Variants in ZNF469 observed in about 807,000 individuals in gnomAD.
ZNF469 encodes zinc finger protein 469.
A neutral mutation model predicts 1.0 loss-of-function variants in ZNF469; 1 was observed. The observed-to-expected ratio is 1.00, with a 90% CI of 0.35 to 4.73. The LOEUF is 4.73. ZNF469 is among the 30% of genes most tolerant of loss of function. The pLI is 0.16. For synonymous variants in ZNF469, 2,703 were observed against 2,363.4 expected (o/e 1.14, Z -4.17); for missense variants, 6,100 against 5,356.3 (o/e 1.14, Z -4.33).
chr16:88,224,699 CTGTG>C, the ZNF469 span, among the ~76,000 whole-genome samples: 6 of 152,128 alleles, frequency 3.9e-5, no homozygotes, highest in African/African-American at 7.2e-5. Flanking sequence ...CCGTGTGTCT[CTGTG>C]TGTGTGTGTC....
chr16:88,296,504 C>G, the ZNF469 span, among the ~76,000 whole-genome samples: 1 of 149,984 alleles, frequency 6.7e-6, no homozygotes, highest in Non-Finnish European at 1.5e-5. Context: ...CACTCACAGA[C>G]AAGCTCACCC....
At chr16:88,243,911 CATATATATATATATATATATATATATAT>C in the ZNF469 span, among the ~76,000 whole-genome samples, 30 of 26,278 alleles carry the variant, frequency 1.1e-3, no homozygotes, top group South Asian at 0.019. Context: ...TGGCTGGATG[CATATATATATATATATATATATATATAT>C]ATATATATAT....
the ZNF469 span, among the ~76,000 whole-genome samples, chr16:88,155,532 C>T: frequency 2.7e-4 from 41 of 152,282 alleles, no homozygotes; most frequent in Non-Finnish European, 3.8e-4. Context: ...TTTGCCAGTT[C>T]GGGATGTTTC....
At chr16:88,381,138 TCA>T (rs745666882), upstream of ZNF469, among the ~76,000 whole-genome samples, 4 of 59,852 alleles carry the variant, frequency 6.7e-5, no homozygotes, top group Admixed American at 1.7e-4. Flanking sequence ...AGACATGCAC[TCA>T]CACACACACT....
the ZNF469 span, among the ~76,000 whole-genome samples, chr16:88,113,146 G>T: frequency 6.6e-6 from 1 of 152,200 alleles, no homozygotes; most frequent in East Asian, 1.9e-4. Context: ...GCCTGTGCGT[G>T]GGGGCATTGC....
At chr16:88,303,898 A>G in the ZNF469 span, among the ~76,000 whole-genome samples, 2 of 152,160 alleles carry the variant, frequency 1.3e-5, no homozygotes, top group Admixed American at 6.5e-5. Flanking sequence ...CCACACACTC[A>G]GTGCCACTCA....
At chr16:88,174,463 C>T in the ZNF469 span, among the ~76,000 whole-genome samples, 2 of 126,654 alleles carry the variant, frequency 1.6e-5, no homozygotes, top group African/African-American at 3.1e-5. Context: ...ATTTGTCTGT[C>T]GTCTGTCTGT....
intron 1 of ZNF469, among the ~76,000 whole-genome samples, chr16:88,388,162 A>G (rs998356073): frequency 6.6e-6 from 1 of 152,260 alleles, no homozygotes; most frequent in Non-Finnish European, 1.5e-5. Context: ...ATGAGTGAGC[A>G]GTGAGTGTGA....
the ZNF469 span, among the ~76,000 whole-genome samples, chr16:88,166,216 ACC>A: frequency 6.6e-6 from 1 of 152,030 alleles, no homozygotes; most frequent in African/African-American, 2.4e-5. This position sits in a 1 kb window ranked among gnomAD's most constrained non-coding sequence, Gnocchi z 4.5. Context: ...ACACCCACAC[ACC>A]CACCACCTAA....
chr16:88,159,416 C>G, the ZNF469 span, among the ~76,000 whole-genome samples: 1 of 152,120 alleles, frequency 6.6e-6, no homozygotes, highest in African/African-American at 2.4e-5. Context: ...CATCTGATCC[C>G]ATCTTCTCAG....
the ZNF469 span, among the ~76,000 whole-genome samples, chr16:88,240,039 C>T: frequency 6.6e-6 from 1 of 150,572 alleles, no homozygotes; most frequent in Non-Finnish European, 1.5e-5. Context: ...GTGCTCGGGG[C>T]CATCGATCCT....
the ZNF469 span, among the ~76,000 whole-genome samples, chr16:88,293,435 C>A: frequency 6.6e-6 from 1 of 151,618 alleles, no homozygotes; most frequent in Non-Finnish European, 1.5e-5. Context: ...ATGGTTAAAT[C>A]GGTACGTGGT....
chr16:88,401,538 G>GATGGATGGATGGATGA (rs1567501602), intron 1 of ZNF469, among the ~76,000 whole-genome samples: 2,349 of 82,082 alleles, frequency 0.029, 41 homozygotes, highest in South Asian at 0.045. Context: ...TGGATGCATG[G>GATGGATGGATGGATGA]GTGGATGGAT....
chr16:88,140,406 G>A, the ZNF469 span, among the ~76,000 whole-genome samples: 6 of 146,348 alleles, frequency 4.1e-5, no homozygotes, highest in South Asian at 1.1e-3. Context: ...ACGGAGCCGT[G>A]TAGAAATCGG....
chr16:88,149,548 G>A, the ZNF469 span, among the ~76,000 whole-genome samples: 1 of 152,196 alleles, frequency 6.6e-6, no homozygotes, highest in African/African-American at 2.4e-5. Context: ...GTGGCTTGGG[G>A]AGTGGAGTTT....
At chr16:88,128,780 TC>T in the ZNF469 span, among the ~76,000 whole-genome samples, 1 of 152,216 alleles carries the variant, frequency 6.6e-6, no homozygotes, top group Middle Eastern at 3.2e-3. Context: ...CTGCTAAGCT[TC>T]CTGGGATAGT....
chr16:88,119,010 C>T, the ZNF469 span, among the ~76,000 whole-genome samples: 2 of 152,180 alleles, frequency 1.3e-5, no homozygotes, highest in Non-Finnish European at 2.9e-5. Flanking sequence ...AGAGGCAGGG[C>T]GCTAGGCAGG....
chr16:88,438,169 G>A lies in ZNF469; in HGVS notation c.10699G>A (p.Gly3567Arg). 2 of 1,550,028 alleles carry A rather than the reference G, an allele frequency of 1.3e-6. No homozygotes were observed. The highest frequency in any genetic ancestry group is 1.7e-6 in the Non-Finnish European group (2 of 1,146,798). ...PFPAALADGR[G>R]DCALDGALER... ...CCCAGCTGCCTTGGCTGATGGCAGA[G>A]GAGACTGCGCGCTGGACGGAGCCCT... The change falls in exon 3 of 3, where the codon GGA (glycine) becomes AGA (arginine). Residue 3567 changes from glycine to arginine, a missense_variant. By Grantham distance (125) the Gly-to-Arg change is moderately radical. Transcript: ENST00000565624.
the ZNF469 span, among the ~76,000 whole-genome samples, chr16:88,266,980 G>T: frequency 6.6e-6 from 1 of 152,238 alleles, no homozygotes; most frequent in Admixed American, 6.5e-5. Flanking sequence ...CCATAACCAG[G>T]GGGGCCCTGG....
Sources: allele counts gnomAD v4.1 joint callset (sites outside exome capture counted in the v4.1 genomes callset), GRCh38; gene constraint gnomAD v4.1.1; non-coding constraint Gnocchi (gnomAD v3.1); transcripts MANE v1.5; gene names NCBI Gene and HGNC (gene_info 2026-07-23, HGNC 2026-07-21).